PARP1: variants seen among roughly 807,000 people sequenced by gnomAD.
PARP1 encodes the protein poly(ADP-ribose) polymerase 1, also known as poly [ADP-ribose] polymerase 1.
A neutral mutation model predicts 118.7 loss-of-function variants in PARP1; 44 were observed. The observed-to-expected ratio is 0.37, with a 90% CI of 0.29 to 0.48. The LOEUF is 0.48. Ranked by LOEUF, PARP1 falls within the 20% of genes least tolerant of loss-of-function variation. PARP1 has a pLI of 0.99. For missense variants in PARP1, 1,100 were observed against 1,272.4 expected (o/e 0.86, Z 2.06); for synonymous variants, 492 against 483.2 (o/e 1.02, Z -0.24).
At chr1:226,375,097 G>A (rs1664462360) in intron 13 of PARP1, among the ~76,000 whole-genome samples, 1 of 152,228 alleles carries the variant, frequency 6.6e-6, no homozygotes, top group African/African-American at 2.4e-5. Flanking sequence ...GGTATTTGGA[G>A]TGAAAGGAAT....
chr1:226,392,025 C>A (rs1664829802), intron 3 of PARP1, among the ~76,000 whole-genome samples, 174 bp downstream of exon 3: 1 of 152,224 alleles, frequency 6.6e-6, no homozygotes, highest in South Asian at 2.1e-4. Context: ...AGGACCAGAC[C>A]TGTCTGGAAG....
intron 13 of PARP1, among the ~76,000 whole-genome samples, chr1:226,374,952 C>G (rs1019641875): frequency 6.6e-6 from 1 of 152,214 alleles, no homozygotes; most frequent in Admixed American, 6.5e-5. Context: ...ACTCCACCCC[C>G]CACTGTCTGA....
chr1:226,401,816 T>C (rs1017840078), intron 2 of PARP1, among the ~76,000 whole-genome samples: 1 of 152,134 alleles, frequency 6.6e-6, no homozygotes, highest in Non-Finnish European at 1.5e-5. Flanking sequence ...CTCTGGGCAA[T>C]AATGATGTGT....
intron 3 of PARP1, among the ~76,000 whole-genome samples, chr1:226,391,884 A>C (rs1441054787): frequency 1.3e-5 from 2 of 152,254 alleles, no homozygotes; most frequent in African/African-American, 4.8e-5. Context: ...CACACTCCTT[A>C]TACCTAATTC....
chr1:226,369,887 T>A (rs766327679), intron 15 of PARP1, among the ~76,000 whole-genome samples: 4 of 150,058 alleles, frequency 2.7e-5, no homozygotes, highest in Non-Finnish European at 5.9e-5. Flanking sequence ...AACCTGGGGA[T>A]GGAGGTTGCA....
intron 18 of PARP1, 51 bp downstream of exon 18, chr1:226,365,902 AG>A (rs1664255442): frequency 8.4e-7 from 1 of 1,189,098 alleles, no homozygotes; most frequent in Admixed American, 1.7e-5. Flanking sequence ...AGGAGTGGGC[AG>A]GGAAGAGCTG....
At chr1:226,382,944 G>C in intron 8 of PARP1, 92 bp downstream of exon 8, 1 of 1,424,346 alleles carries the variant, frequency 7.0e-7, no homozygotes, top group Non-Finnish European at 9.9e-7. Context: ...ACCCTTGACG[G>C]ATACTTTCTT....
intron 2 of PARP1, among the ~76,000 whole-genome samples, chr1:226,398,751 T>C (rs761186884): frequency 9.2e-5 from 14 of 152,246 alleles, no homozygotes; most frequent in Admixed American, 3.9e-4. Context: ...CGAACTCTCA[T>C]CTATTGCTGG....
At chr1:226,366,431 AG>A (rs1664266397) in intron 17 of PARP1, 3 of 303,286 alleles carry the variant, frequency 9.9e-6, no homozygotes, top group Non-Finnish European at 1.9e-5. Flanking sequence ...AATGGGCCAG[AG>A]GAAGTCACAG....
At chr1:226,362,675 C>G (rs1664167213) in intron 21 of PARP1, among the ~76,000 whole-genome samples, 1 of 152,184 alleles carries the variant, frequency 6.6e-6, no homozygotes. Flanking sequence ...GCTCCAGGCA[C>G]TACTATGTCA....
At chr1:226,399,079 T>C (rs573311657) in intron 2 of PARP1, among the ~76,000 whole-genome samples, 1 of 150,592 alleles carries the variant, frequency 6.6e-6, no homozygotes, top group Admixed American at 6.6e-5. Flanking sequence ...GAATCTTTTT[T>C]TTTTTTTTTT....
At position 226,362,059 on chromosome 1, in the gene PARP1, G is replaced by C; in HGVS notation, c.2873C>G (p.Pro958Arg). ...ACCATCCAGACTAATGTTAGCTGAA[G>C]GATCAGGGGTAGTTTTGCCCAAACC... ...VKGLGKTTPD[P>R]SANISLDGVD... is the part of the protein sequence containing the mutation. The change falls in exon 22 of 23, where the codon CCT becomes CGT. Residue 958 changes from proline to arginine, a missense_variant. Around this residue, in one of 2 missense-constraint regions of PARP1, gnomAD observed 152 missense variants for 240.6 expected, o/e 0.63. Transcript: ENST00000366794. 1 of 1,613,528 alleles carries C rather than the reference G, an allele frequency of 6.2e-7. No individual in the cohort carries two copies. The highest frequency in any genetic ancestry group is 8.5e-7 in the Non-Finnish European group (1 of 1,179,446).
intron 14 of PARP1, among the ~76,000 whole-genome samples, chr1:226,372,012 C>T (rs1490250970): frequency 6.6e-6 from 1 of 152,192 alleles, no homozygotes; most frequent in African/African-American, 2.4e-5. Context: ...GGGAGAAACA[C>T]CTTGGCACTG....
At chr1:226,379,452 T>G in intron 11 of PARP1, 121 bp downstream of exon 11, 1 of 1,139,958 alleles carries the variant, frequency 8.8e-7, no homozygotes, top group Non-Finnish European at 1.3e-6. Flanking sequence ...GAGGCCTGAG[T>G]GAGGACAAAG....
chr1:226,399,345 C>T (rs1215563684), intron 2 of PARP1, among the ~76,000 whole-genome samples: 2 of 151,952 alleles, frequency 1.3e-5, no homozygotes, highest in African/African-American at 4.8e-5. Context: ...GCTGGGATTA[C>T]AGATGTGAGC....
chr1:226,381,325 T>C, intron 8 of PARP1, 117 bp from the exon 9 acceptor site: 1 of 1,179,128 alleles, frequency 8.5e-7, no homozygotes, highest in Non-Finnish European at 1.3e-6. Flanking sequence ...CCTATGAAAA[T>C]ACACTCGCGA....
rs1664914008 is a variant in PARP1, at chr1:226,396,210, G to A, written c.287-3896C>T. Among the ~76,000 whole-genome samples, 4 of 152,214 alleles carry A rather than the reference G, an allele frequency of 2.6e-5. No individual in the cohort carries two copies. The South Asian group carries it at 8.3e-4, about 32-fold the overall frequency. ...AAAATACAAAAATTAGCCAGACGTG[G>A]TGGCGCACACCTGTAATCCCAGCTA... On this transcript the variant is annotated intron_variant, in intron 2 of 22. Coordinates refer to ENST00000366794, the MANE Select transcript of PARP1 (RefSeq NM_001618.4).
At chr1:226,383,423 G>A (rs1296496108) in intron 7 of PARP1, among the ~76,000 whole-genome samples, 1 of 152,132 alleles carries the variant, frequency 6.6e-6, no homozygotes, top group Admixed American at 6.5e-5. Flanking sequence ...GCTGCTTTAA[G>A]AGAAAAATCT....
At chr1:226,371,791 G>C (rs896757490) in intron 14 of PARP1, among the ~76,000 whole-genome samples, 1 of 152,168 alleles carries the variant, frequency 6.6e-6, no homozygotes, top group East Asian at 1.9e-4. Flanking sequence ...TTTCCACGCT[G>C]TATAATTCTG....
Sources: gnomAD v4.1 joint callset for allele counts (sites outside exome capture counted in the v4.1 genomes callset) on GRCh38, gnomAD v4.1.1 for gene constraint, gnomAD v4.1.1 regional missense constraint, MANE v1.5 for transcripts, NCBI Gene and HGNC (gene_info 2026-07-23, HGNC 2026-07-21) for gene names.